GK5: variants seen among roughly 807,000 people sequenced by gnomAD.
The protein encoded by GK5 is ATP:glycerol 3-phosphotransferase 5.
In GK5, 39 loss-of-function variants were observed where a neutral mutation model predicts 77.3. The ratio of observed to expected loss-of-function variants is 0.50; its 90% CI spans 0.39 to 0.66. The LOEUF is 0.66. GK5 is among the 30% of genes least tolerant of loss of function. GK5 has a pLI of 0.00. For missense variants in GK5, 487 were observed against 633.8 expected, an observed-to-expected ratio of 0.77 and a Z score of 2.49; for synonymous variants, 211 against 208.0, an observed-to-expected ratio of 1.01 and a Z score of -0.13.
intron 10 of GK5, among the ~76,000 whole-genome samples, chr3:142,182,608 C>CA (rs769175361): frequency 6.6e-6 from 1 of 152,162 alleles, no homozygotes; most frequent in Non-Finnish European, 1.5e-5. Context: ...CTCAGCCTCC[C>CA]AAAGTGCTGG....
chr3:142,183,097 A>G, intron 9 of GK5, 48 bp from the exon 10 acceptor site: 11 of 1,559,402 alleles, frequency 7.1e-6, no homozygotes, highest in Non-Finnish European at 8.8e-6. Flanking sequence ...ACAGTGGCCA[A>G]TTTTATTATA....
At chr3:142,184,845 A>C (rs1412430179) in intron 9 of GK5, 2 of 983,656 alleles carry the variant, frequency 2.0e-6, no homozygotes, top group African/African-American at 3.5e-5. Context: ...TCCATCTCAA[A>C]AACAACAACA....
rs2063717729 is a variant in GK5, at chr3:142,182,999, A to G, written c.867T>C (p.Gly289=). The change falls in exon 10 of 16, where the codon GGT becomes GGC. Residue 289 remains glycine (G), a synonymous_variant. Coordinates refer to ENST00000392993, the MANE Select transcript of GK5 (RefSeq NM_001039547.3). ...CAGTTCCCATGGTTAATTTCACATC[A>G]CCTGTCTGGAAGCAGCACTCTCCAA... ...AMFGECCFQT[G]DVKLTMGTGT... is the part of the protein sequence containing the mutation. The G allele has an allele frequency of 6.2e-7, 1 of 1,613,364 alleles. No individual in the cohort carries two copies. Among genetic ancestry groups the G allele is most frequent in the Non-Finnish European group, 8.5e-7 (1 of 1,179,388 alleles).
intron 4 of GK5, chr3:142,204,214 T>C: frequency 4.5e-6 from 1 of 224,002 alleles, no homozygotes; most frequent in Non-Finnish European, 8.9e-6. Context: ...GATGAGGTCT[T>C]ACCATGTTGC....
rs2063393311 is a variant in GK5 at position 142,157,719 on chromosome 3, T to C, written c.*7903A>G. The C allele has an allele frequency of 6.6e-6, 1 of 152,158 alleles. No homozygotes were observed. Among genetic ancestry groups the C allele is most frequent in the Middle Eastern group, 3.2e-3 (1 of 316 alleles). 9.4% of individuals were successfully genotyped at this position (152,158 alleles called of 1,614,324 possible). A position where few individuals can be genotyped will look rare whatever the true frequency, so the allele number is the denominator to read the frequency against. On this transcript the variant is annotated 3_prime_UTR_variant, in exon 16 of 16. Transcript: ENST00000392993. ...TTTCTAAATATTTTAAAATACAGTATATTTTCACAACAAATTTTATTTTCC... is the reference window on the plus strand; with the variant it reads ...TTTCTAAATATTTTAAAATACAGTACATTTTCACAACAAATTTTATTTTCC...
At chr3:142,186,622 T>C in intron 6 of GK5, 109 bp from the exon 7 acceptor site, 2 of 473,504 alleles carry the variant, frequency 4.2e-6, no homozygotes, top group Non-Finnish European at 7.3e-6. Flanking sequence ...TTCCAAAATG[T>C]GTATTTTCTT....
intron 5 of GK5, 33 bp downstream of exon 5, chr3:142,198,769 C>T (rs2063973068): frequency 1.2e-5 from 19 of 1,571,110 alleles, no homozygotes; most frequent in Non-Finnish European, 1.6e-5. Context: ...CACATACACA[C>T]ATATTTTCCA....
intron 4 of GK5, among the ~76,000 whole-genome samples, chr3:142,202,582 A>G (rs2064042734): frequency 6.6e-6 from 1 of 152,242 alleles, no homozygotes; most frequent in South Asian, 2.1e-4. Context: ...AACTTTGATC[A>G]TGTGCATGTT....
At chr3:142,222,267 A>T (rs186385341) in intron 1 of GK5, among the ~76,000 whole-genome samples, 1,612 of 152,280 alleles carry the variant, frequency 0.011, 32 homozygotes, top group African/African-American at 0.035. Flanking sequence ...TGTTTTTTTA[A>T]AAAATTTCTA....
At chr3:142,217,574 A>G (rs2064290148) in intron 1 of GK5, among the ~76,000 whole-genome samples, 1 of 152,098 alleles carries the variant, frequency 6.6e-6, no homozygotes, top group Non-Finnish European at 1.5e-5. Flanking sequence ...AGAAGAAAAG[A>G]AAGGGTTCAG....
chr3:142,182,053 C>A (rs2063704400), intron 10 of GK5, among the ~76,000 whole-genome samples: 4 of 152,124 alleles, frequency 2.6e-5, no homozygotes. Flanking sequence ...TTTTCTAATT[C>A]CATCTTCCTA....
chr3:142,167,489 T>C (rs1036636154), intron 15 of GK5, among the ~76,000 whole-genome samples: 1 of 152,162 alleles, frequency 6.6e-6, no homozygotes, highest in African/African-American at 2.4e-5. Context: ...GTCAGGAAAA[T>C]AAATGTGTTT....
intron 6 of GK5, 88 bp from the exon 7 acceptor site, chr3:142,186,601 C>T (rs2063774813): frequency 5.7e-6 from 3 of 525,824 alleles, no homozygotes; most frequent in Admixed American, 7.8e-5. Flanking sequence ...CTTTGTCTAC[C>T]CTCAAATTCA....
At chr3:142,188,605 GT>G (rs2063807184) in intron 5 of GK5, among the ~76,000 whole-genome samples, 1 of 152,244 alleles carries the variant, frequency 6.6e-6, no homozygotes, top group South Asian at 2.1e-4. Flanking sequence ...CCTACTCTCT[GT>G]TTTTGTACAG....
chr3:142,183,727 T>C (rs1227560576), intron 9 of GK5, among the ~76,000 whole-genome samples: 3 of 151,526 alleles, frequency 2.0e-5, no homozygotes, highest in African/African-American at 7.3e-5. Context: ...CCCAAAGTGC[T>C]GGGATTGCAG....
chr3:142,175,588 C>T (rs9862069), intron 12 of GK5, among the ~76,000 whole-genome samples: 61,035 of 151,908 alleles, frequency 0.4, 15,125 homozygotes, highest in African/African-American at 0.7. Context: ...CAGTTTAGTA[C>T]TAACACATTA....
intron 5 of GK5, among the ~76,000 whole-genome samples, chr3:142,188,451 G>A (rs1274086760): frequency 4.6e-5 from 7 of 152,142 alleles, no homozygotes; most frequent in African/African-American, 1.4e-4. Flanking sequence ...GGAGAATGGC[G>A]TGAAGCTGGG....
Position 142,198,793 on chromosome 3 carries a change from T to C in GK5, c.543+9A>G. 2 of 1,605,768 alleles carry C rather than the reference T, an allele frequency of 1.2e-6. No homozygotes were observed. Among genetic ancestry groups the C allele is most frequent in the Non-Finnish European group, 1.7e-6 (2 of 1,177,378 alleles). ...ACATATTTTCCACATACACACAGTATTTTCTTACCTCAGTCAAGTTCTGTA... is the reference window on the plus strand; with the variant it reads ...ACATATTTTCCACATACACACAGTACTTTCTTACCTCAGTCAAGTTCTGTA... On this transcript the variant is annotated intron_variant, in intron 5 of 15. Coordinates refer to ENST00000392993, the MANE Select transcript of GK5 (RefSeq NM_001039547.3).
chr3:142,187,090 A>G (rs1458917057), intron 6 of GK5, among the ~76,000 whole-genome samples: 1 of 152,156 alleles, frequency 6.6e-6, no homozygotes, highest in African/African-American at 2.4e-5. Flanking sequence ...TGTCACCCAT[A>G]GTTATACCCA....
Sources: allele counts gnomAD v4.1 joint callset (sites outside exome capture counted in the v4.1 genomes callset), GRCh38; gene constraint gnomAD v4.1.1; transcripts MANE v1.5; gene names NCBI Gene and HGNC (gene_info 2026-07-23, HGNC 2026-07-21).